The following ANAPC15 variants were observed in gnomAD, a reference collection of about 807,000 sequenced individuals.
ANAPC15 encodes anaphase-promoting complex subunit 15.
Under a neutral mutation model 19.8 loss-of-function variants are expected in ANAPC15, and 13 were observed. That is an observed-to-expected ratio of 0.66 (90% confidence interval 0.43 to 1.04). ANAPC15 has a LOEUF of 1.04. Ranked by LOEUF, ANAPC15 falls within the 50% of genes least tolerant of loss-of-function variation. The probability of loss-of-function intolerance (pLI) is 0.00; values close to 1 mark genes in which losing one functional copy is unlikely to be tolerated. For synonymous variants in ANAPC15, 45 were observed against 50.7 expected, an observed-to-expected ratio of 0.89 and a Z score of 0.47; for missense variants, 88 against 150.3, an observed-to-expected ratio of 0.59 and a Z score of 2.17.
downstream of ANAPC15, chr11:72,107,125 G>C (rs576446961): frequency 6.3e-5 from 22 of 348,800 alleles, no homozygotes; most frequent in East Asian, 1.0e-3. Context: ...AAATTAGCCG[G>C]GTGTGGTGGT....
intron 3 of ANAPC15, chr11:72,110,840 A>G (rs1430191860): frequency 2.6e-5 from 15 of 583,870 alleles, no homozygotes; most frequent in Non-Finnish European, 3.9e-5. Flanking sequence ...GAAGTGAGAG[A>G]CTTATCAGCC....
downstream of ANAPC15, chr11:72,109,505 C>T (rs1416416166): frequency 1.8e-5 from 7 of 386,630 alleles, no homozygotes; most frequent in Non-Finnish European, 3.0e-5. Context: ...GGCTGATGTC[C>T]CTTGAGTGCC....
chr11:72,110,014 G>C, intron 5 of ANAPC15, 74 bp downstream of exon 5: 3 of 1,613,910 alleles, frequency 1.9e-6, no homozygotes, highest in Non-Finnish European at 1.7e-6. Flanking sequence ...CAGGGTTTCT[G>C]TACCCCTTGG....
chr11:72,110,822 G>A (rs1665297323), intron 3 of ANAPC15: 2 of 592,406 alleles, frequency 3.4e-6, no homozygotes, highest in Admixed American at 6.3e-5. Flanking sequence ...TATAATTATG[G>A]TGAGGATGAA....
chr11:72,108,174 G>C (rs1945905827), downstream of ANAPC15: 1 of 1,421,158 alleles, frequency 7.0e-7, no homozygotes, highest in Non-Finnish European at 9.3e-7. Flanking sequence ...CTTGCCCCCA[G>C]ACATCCCTTG....
downstream of ANAPC15, chr11:72,108,250 G>C (rs929125574): frequency 1.3e-6 from 1 of 776,098 alleles, no homozygotes. Context: ...TGGATGGTGT[G>C]TGAGCTCCTG....
chr11:72,110,771 T>A, intron 3 of ANAPC15, 168 bp from the exon 4 acceptor site: 1 of 660,134 alleles, frequency 1.5e-6, no homozygotes. Context: ...ATTTATGAAC[T>A]TGATCCAAAT....
At chr11:72,107,772 C>A, downstream of ANAPC15, 1 of 771,698 alleles carries the variant, frequency 1.3e-6, no homozygotes, top group Non-Finnish European at 2.1e-6. Context: ...AGACGGGGAC[C>A]AGGAGGGCAG....
chr11:72,108,551 G>A (rs1048952330), downstream of ANAPC15: 2 of 1,414,882 alleles, frequency 1.4e-6, no homozygotes, highest in African/African-American at 2.9e-5. Flanking sequence ...GTGGGGTCTT[G>A]ACTGGGAGAA....
chr11:72,107,555 T>C (rs1324450073), downstream of ANAPC15: 1 of 702,322 alleles, frequency 1.4e-6, no homozygotes, highest in South Asian at 1.5e-5. Flanking sequence ...GGCACAGTTG[T>C]TTGGGATGGC....
At chr11:72,108,067 C>T (rs537610140), downstream of ANAPC15, 869 of 1,542,694 alleles carry the variant, frequency 5.6e-4, 9 homozygotes, top group South Asian at 9.5e-3. Flanking sequence ...GACCCACGCA[C>T]GGCAGCAGTG....
chr11:72,109,378 G>A (rs980793570), downstream of ANAPC15: 12 of 461,794 alleles, frequency 2.6e-5, no homozygotes, highest in Middle Eastern at 3.2e-4. Context: ...TGAGTTAGAC[G>A]CCCTGCAGGA....
chr11:72,108,013 C>T, downstream of ANAPC15: 1 of 1,551,688 alleles, frequency 6.4e-7, no homozygotes, highest in African/African-American at 1.4e-5. Flanking sequence ...CTGCTTATTG[C>T]CCGAGCCCTG....
downstream of ANAPC15, chr11:72,106,549 C>T (rs1023395484): frequency 5.2e-6 from 1 of 193,626 alleles, no homozygotes; most frequent in African/African-American, 2.3e-5. Context: ...TATCTGTCTC[C>T]ACATCTTTCC....
downstream of ANAPC15, chr11:72,108,261 C>T (rs1945918980): frequency 2.9e-6 from 2 of 700,930 alleles, no homozygotes; most frequent in South Asian, 2.8e-5. Context: ...TGAGCTCCTG[C>T]CCTCCTGTCC....
At chr11:72,112,597 GA>G (rs771737141) in intron 1 of ANAPC15, 52 bp downstream of exon 1, 7 of 450,348 alleles carry the variant, frequency 1.6e-5, no homozygotes, top group Admixed American at 2.4e-5. Flanking sequence ...TTCTCTGGGG[GA>G]AAAAGGAATG....
chr11:72,111,108 G>A (rs779521201), intron 3 of ANAPC15, 49 bp downstream of exon 3: 1 of 1,287,630 alleles, frequency 7.8e-7, no homozygotes, highest in Non-Finnish European at 1.1e-6. Flanking sequence ...CACTGAAGGA[G>A]GTCTCTGTCT....
chr11:72,108,613 C>A, downstream of ANAPC15: 2 of 1,468,340 alleles, frequency 1.4e-6, no homozygotes, highest in South Asian at 2.8e-5. Context: ...AGGTGGAGCT[C>A]ATCGTGGGCA....
chr11:72,109,721 G>T lies in ANAPC15; in HGVS notation c.*160C>A. ...AAGTGCAGACTGATGGCCTGGGAGGGGCCAAAGAGACCAGATCCTGGCAGC... is the reference window on the plus strand; with the variant it reads ...AAGTGCAGACTGATGGCCTGGGAGGTGCCAAAGAGACCAGATCCTGGCAGC... On this transcript the variant is annotated 3_prime_UTR_variant, in exon 6 of 6. Coordinates refer to ENST00000227618, the MANE Select transcript of ANAPC15 (RefSeq NM_014042.3). The T allele has an allele frequency of 1.2e-6, 1 of 827,506 alleles. No individual in the cohort carries two copies. Among genetic ancestry groups the T allele is most frequent in the Non-Finnish European group, 2.0e-6 (1 of 505,738 alleles). 51.3% of individuals were successfully genotyped at this position (827,506 alleles called of 1,614,324 possible).
Sources: allele counts gnomAD v4.1 joint callset, GRCh38; gene constraint gnomAD v4.1.1; transcripts MANE v1.5; gene names NCBI Gene and HGNC (gene_info 2026-07-23, HGNC 2026-07-21).